The following NBPF4 variants were observed in gnomAD, a reference collection of about 807,000 sequenced individuals.
NBPF4 encodes the protein NBPF member 4.
NBPF4 carries 11 observed loss-of-function variants against 21.1 expected under a neutral mutation model. That is an observed-to-expected ratio of 0.52 (90% CI 0.33 to 0.86). NBPF4 has a LOEUF of 0.86. Among genes scored for constraint, NBPF4 ranks in the 40% least tolerant of loss-of-function variants. The pLI is 0.03. For synonymous variants in NBPF4, 47 were observed against 106.4 expected (o/e 0.44, Z 3.43); for missense variants, 88 against 265.3 (o/e 0.33, Z 4.64).
At chr1:108,229,373 GA>G (rs1337375589) in intron 12 of NBPF4, among the ~76,000 whole-genome samples, 1 of 149,416 alleles carries the variant, frequency 6.7e-6, no homozygotes, top group Non-Finnish European at 1.5e-5. Context: ...TCCCTGAGGT[GA>G]AAAACCTCTG....
the NBPF4 span, among the ~76,000 whole-genome samples, chr1:108,253,976 T>C: frequency 1.8e-5 from 1 of 55,690 alleles, no homozygotes; most frequent in Non-Finnish European, 3.4e-5. Context: ...TTAACAGATA[T>C]ATGGCTTGCA....
the NBPF4 span, among the ~76,000 whole-genome samples, chr1:108,257,955 G>T: frequency 7.1e-6 from 1 of 140,650 alleles, no homozygotes; most frequent in Non-Finnish European, 1.5e-5. Flanking sequence ...TCACCATGTT[G>T]CCCAGGCTGG....
At chr1:108,266,036 TATA>T in the NBPF4 span, among the ~76,000 whole-genome samples, 2 of 93,016 alleles carry the variant, frequency 2.2e-5, no homozygotes, top group Admixed American at 1.3e-4. Context: ...AAACTTAAAG[TATA>T]ATAATAATTT....
At chr1:108,244,959 T>TAG (rs1649798792), upstream of NBPF4, among the ~76,000 whole-genome samples, 1 of 82,780 alleles carries the variant, frequency 1.2e-5, no homozygotes, top group African/African-American at 4.6e-5. Flanking sequence ...CACACACATA[T>TAG]AGAGTTGCTC....
chr1:108,257,592 C>T, the NBPF4 span, among the ~76,000 whole-genome samples: 1 of 143,436 alleles, frequency 7.0e-6, no homozygotes, highest in Non-Finnish European at 1.5e-5. Context: ...ATATAGATGT[C>T]ATACCCATTT....
the NBPF4 span, among the ~76,000 whole-genome samples, chr1:108,257,650 AAT>A: frequency 7.0e-6 from 1 of 142,812 alleles, no homozygotes; most frequent in Non-Finnish European, 1.5e-5. Flanking sequence ...TACATTTTTA[AAT>A]ATTTTTCTTT....
At chr1:108,256,481 CCTTT>C in the NBPF4 span, among the ~76,000 whole-genome samples, 1,442 of 128,842 alleles carry the variant, frequency 0.011, 2 homozygotes, top group South Asian at 0.047. Context: ...TTCCTTCCTT[CCTTT>C]TTCTCTTTCT....
the NBPF4 span, among the ~76,000 whole-genome samples, chr1:108,257,762 C>CTTT: frequency 2.3e-3 from 126 of 54,760 alleles, 1 homozygote; most frequent in Admixed American, 3.6e-3. Flanking sequence ...CTTTTCTTTT[C>CTTT]TTTTTTTTTT....
chr1:108,223,879 G>A, intron 14 of NBPF4, 133 bp from the exon 15 acceptor site: 5 of 964,492 alleles, frequency 5.2e-6, no homozygotes, highest in Non-Finnish European at 7.7e-6. Flanking sequence ...TGAAGGGTGA[G>A]TCCTGGGCTG....
chr1:108,245,335 G>A (rs1207968917), upstream of NBPF4, among the ~76,000 whole-genome samples: 849 of 123,970 alleles, frequency 6.8e-3, no homozygotes, highest in Middle Eastern at 0.026. Context: ...TCAGCAGCCC[G>A]CACCATCCTC....
At chr1:108,258,697 G>C in the NBPF4 span, among the ~76,000 whole-genome samples, 2 of 117,030 alleles carry the variant, frequency 1.7e-5, no homozygotes, top group African/African-American at 6.9e-5. Flanking sequence ...GAAATGTTCT[G>C]TATGTTCATC....
chr1:108,229,176 C>T lies in NBPF4; in HGVS notation c.1424-20G>A, dbSNP rs772763629. The T allele has an allele frequency of 7.4e-6, 11 of 1,494,588 alleles. No individual in the cohort carries two copies. In the Admixed American group the frequency reaches 2.2e-4, roughly 30 times the overall value. 92.6% of individuals were successfully genotyped at this position (1,494,588 alleles called of 1,614,324 possible). A position where few individuals can be genotyped will look rare whatever the true frequency, so the allele number is the denominator to read the frequency against. On this transcript the variant is annotated intron_variant, in intron 12 of 14. Transcript: ENST00000415641. ...TGGGGGCTGAAAGGAGAAGGGGCTT[C>T]AGTAGGAACAATCTCAGTTTTCCCT... is the stretch of plus-strand genomic sequence containing the variant.
chr1:108,257,762 CT>C, the NBPF4 span, among the ~76,000 whole-genome samples: 5,502 of 54,764 alleles, frequency 0.1, 48 homozygotes, highest in East Asian at 0.18. Flanking sequence ...CTTTTCTTTT[CT>C]TTTTTTTTTT....
chr1:108,244,947 TACACAC>T (rs372222400), upstream of NBPF4, among the ~76,000 whole-genome samples: 93 of 34,926 alleles, frequency 2.7e-3, 4 homozygotes, highest in African/African-American at 9.1e-3. Flanking sequence ...TATATATATA[TACACAC>T]ACATATAGAG....
chr1:108,264,224 A>T, the NBPF4 span, among the ~76,000 whole-genome samples: 1 of 151,040 alleles, frequency 6.6e-6, no homozygotes, highest in Non-Finnish European at 1.5e-5. Flanking sequence ...CAGAAAAAAA[A>T]AACAGGGGTT....
chr1:108,266,144 G>A, the NBPF4 span, among the ~76,000 whole-genome samples: 40 of 143,204 alleles, frequency 2.8e-4, 2 homozygotes, highest in African/African-American at 9.9e-4. Flanking sequence ...TCTAGGAGCT[G>A]GTTTTTTGGA....
At chr1:108,224,444 G>A (rs940981794) in intron 14 of NBPF4, among the ~76,000 whole-genome samples, 4 of 137,358 alleles carry the variant, frequency 2.9e-5, no homozygotes, top group South Asian at 2.5e-4. Flanking sequence ...ACCTTGGCTA[G>A]GACAGGAATA....
chr1:108,244,911 T>TAC (rs1256932685), upstream of NBPF4, among the ~76,000 whole-genome samples: 16 of 32,980 alleles, frequency 4.9e-4, 2 homozygotes, highest in African/African-American at 4.9e-4. Flanking sequence ...GATATATATA[T>TAC]ATATATATAT....
intron 3 of NBPF4, among the ~76,000 whole-genome samples, 175 bp from the exon 4 acceptor site, chr1:108,241,339 T>TATAC (rs1553260162): frequency 4.5e-5 from 5 of 110,278 alleles, no homozygotes; most frequent in Admixed American, 1.9e-4. Context: ...TATATATATA[T>TATAC]ACACACACAC....
Sources: allele counts gnomAD v4.1 joint callset (sites outside exome capture counted in the v4.1 genomes callset), GRCh38; gene constraint gnomAD v4.1.1; transcripts MANE v1.5; gene names NCBI Gene and HGNC (gene_info 2026-07-23, HGNC 2026-07-21).